TAFA2: variants seen among roughly 807,000 people sequenced by gnomAD.
The protein encoded by TAFA2 is TAFA chemokine like family member 2.
Under a neutral mutation model 18.8 loss-of-function variants are expected in TAFA2, and 7 were observed. The observed-to-expected ratio is 0.37, with a 90% CI of 0.21 to 0.70. The LOEUF is 0.70. Ranked by LOEUF, TAFA2 falls within the 30% of genes least tolerant of loss-of-function variation. The probability of loss-of-function intolerance (pLI) is 0.53; values close to 1 mark genes in which losing one functional copy is unlikely to be tolerated. For synonymous variants in TAFA2, 60 were observed against 54.2 expected, an observed-to-expected ratio of 1.11 and a Z score of -0.47; for missense variants, 122 against 158.1, an observed-to-expected ratio of 0.77 and a Z score of 1.23.
intron 1 of TAFA2, among the ~76,000 whole-genome samples, chr12:61,927,069 GAA>G (rs56908081): frequency 0.24 from 16,762 of 68,810 alleles, 706 homozygotes; most frequent in African/African-American, 0.27. Flanking sequence ...GTGAGACTCT[GAA>G]AAAAAAAAAA....
chr12:62,016,050 G>A (rs1398224781), intron 1 of TAFA2, among the ~76,000 whole-genome samples: 1 of 151,692 alleles, frequency 6.6e-6, no homozygotes, highest in Non-Finnish European at 1.5e-5. Flanking sequence ...ATTTTATATT[G>A]TGTATATTTT....
At chr12:62,085,646 T>G (rs1868420066) in intron 1 of TAFA2, among the ~76,000 whole-genome samples, 1 of 152,280 alleles carries the variant, frequency 6.6e-6, no homozygotes. Context: ...GCATGATCCA[T>G]GATCTCATTG....
chr12:62,048,255 G>A (rs1881960871), intron 1 of TAFA2, among the ~76,000 whole-genome samples: 1 of 151,824 alleles, frequency 6.6e-6, no homozygotes, highest in South Asian at 2.1e-4. Context: ...CATGGCAGAA[G>A]GTGAAGAGGA....
chr12:61,710,856 T>A (rs2120532316), intron 4 of TAFA2, among the ~76,000 whole-genome samples: 1 of 152,202 alleles, frequency 6.6e-6, no homozygotes, highest in South Asian at 2.1e-4. Context: ...CCCTTGGGGA[T>A]TGGTTCCATA....
chr12:62,148,765 T>C (rs1464805446), intron 1 of TAFA2, among the ~76,000 whole-genome samples: 1 of 152,190 alleles, frequency 6.6e-6, no homozygotes, highest in Non-Finnish European at 1.5e-5. Context: ...CTCACTAATC[T>C]TGAGTAACCT....
At chr12:61,723,013 C>T (rs2120608241) in intron 4 of TAFA2, among the ~76,000 whole-genome samples, 1 of 152,252 alleles carries the variant, frequency 6.6e-6, no homozygotes, top group African/African-American at 2.4e-5. Flanking sequence ...TTCCCAATGT[C>T]TCCACAAAAC....
chr12:61,808,823 G>T (rs1871738674), intron 2 of TAFA2, among the ~76,000 whole-genome samples: 1 of 151,352 alleles, frequency 6.6e-6, no homozygotes. Context: ...TACGGAATCA[G>T]CAAATGTTTA....
intron 1 of TAFA2, among the ~76,000 whole-genome samples, chr12:61,926,804 G>A (rs201277749): frequency 2.6e-5 from 4 of 152,204 alleles, no homozygotes; most frequent in Middle Eastern, 6.8e-3. Context: ...CAGGTGCAGT[G>A]GTTCACGCCT....
intron 1 of TAFA2, among the ~76,000 whole-genome samples, chr12:62,244,427 G>A (rs766214893): frequency 3.3e-5 from 5 of 151,868 alleles, no homozygotes; most frequent in Admixed American, 6.6e-5. Context: ...TAATTTTTAA[G>A]ATGTGACAAT....
chr12:62,003,617 C>A (rs1051844251), intron 1 of TAFA2, among the ~76,000 whole-genome samples: 1 of 152,048 alleles, frequency 6.6e-6, no homozygotes, highest in South Asian at 2.1e-4. Flanking sequence ...TTCTTTTTAC[C>A]ACTGCACTTT....
intron 1 of TAFA2, among the ~76,000 whole-genome samples, chr12:61,967,701 A>G (rs1001006104): frequency 1.2e-4 from 18 of 151,904 alleles, no homozygotes; most frequent in Admixed American, 3.3e-4. Context: ...TCCATTCTGA[A>G]TTTGAAAATC....
intron 2 of TAFA2, among the ~76,000 whole-genome samples, chr12:61,771,706 A>G (rs920373267): frequency 6.6e-6 from 1 of 151,996 alleles, no homozygotes; most frequent in African/African-American, 2.4e-5. Flanking sequence ...ACAACCTAGC[A>G]AAACCTCTGG....
chr12:62,105,763 G>C (rs905973863), intron 1 of TAFA2, among the ~76,000 whole-genome samples: 11 of 152,152 alleles, frequency 7.2e-5, no homozygotes, highest in African/African-American at 2.2e-4. Context: ...TTAGCATTAA[G>C]AGGGATGTGT....
At chr12:61,735,837 T>A (rs1046259754) in intron 4 of TAFA2, among the ~76,000 whole-genome samples, 1 of 152,056 alleles carries the variant, frequency 6.6e-6, no homozygotes, top group Non-Finnish European at 1.5e-5. Flanking sequence ...TTTTTCATTG[T>A]ATGCTGAATA....
At chr12:61,727,303 ATTC>A (rs1039106563) in intron 4 of TAFA2, among the ~76,000 whole-genome samples, 3 of 151,256 alleles carry the variant, frequency 2.0e-5, no homozygotes, top group African/African-American at 4.9e-5. Context: ...ATTGGTACCA[ATTC>A]TTCTTTGTTT....
intron 1 of TAFA2, among the ~76,000 whole-genome samples, chr12:62,057,119 C>T (rs1422067054): frequency 2.6e-5 from 4 of 152,158 alleles, no homozygotes; most frequent in Non-Finnish European, 5.9e-5. Context: ...TAGTGTTTAA[C>T]TTGTGGGAAG....
rs200705364 is a variant in TAFA2 at position 62,218,392 on chromosome 12, C to T, written c.-130+40371G>A. ...CTACCCGTGTCTGATGAACACATCC[C>T]CTATTACTTGAAATGCTAGTATGTG... On this transcript the variant is annotated intron_variant, in intron 1 of 5. Coordinates refer to the TAFA2 transcript ENST00000551619. Among the ~76,000 whole-genome samples the T allele has an allele frequency of 1.5e-4, 23 of 152,234 alleles. No homozygotes were observed. The East Asian group carries it at 3.5e-3, about 23-fold the overall frequency.
chr12:62,257,014 A>G (rs996406065), intron 1 of TAFA2, among the ~76,000 whole-genome samples: 9 of 152,214 alleles, frequency 5.9e-5, no homozygotes, highest in Admixed American at 5.9e-4. Flanking sequence ...AAGGACAAGG[A>G]GAAGGAAAAA....
intron 1 of TAFA2, among the ~76,000 whole-genome samples, chr12:62,152,467 A>T (rs1262110967): frequency 1.3e-5 from 2 of 152,250 alleles, no homozygotes; most frequent in Admixed American, 1.3e-4. Context: ...TGCCTGTGGC[A>T]TAAAGGGGTC....
Sources: gnomAD v4.1 joint callset for allele counts (sites outside exome capture counted in the v4.1 genomes callset) on GRCh38, gnomAD v4.1.1 for gene constraint, MANE v1.5 for transcripts, NCBI Gene and HGNC (gene_info 2026-07-23, HGNC 2026-07-21) for gene names.